Variants in NUTF2 observed in about 807,000 individuals in gnomAD.
NUTF2 encodes the protein placental protein 15.
A neutral mutation model predicts 18.5 loss-of-function variants in NUTF2; 3 were observed. That is an observed-to-expected ratio of 0.16 (90% CI 0.07 to 0.42). The LOEUF is 0.42. NUTF2 is among the 10% of genes least tolerant of loss of function. The pLI, the probability that NUTF2 is intolerant of heterozygous loss-of-function variation, is 0.99. For missense variants in NUTF2, 44 were observed against 160.7 expected (o/e 0.27, Z 3.93); for synonymous variants, 51 against 57.9 (o/e 0.88, Z 0.54).
rs574790009 is a variant in NUTF2 at position 67,858,143 on chromosome 16, A to G, written c.-29-6959A>G. The stretch of plus-strand genomic sequence containing the variant: ...CTAAGAAAACAATACAGGAGGCAAA[A>G]TGGGTAATCAGACAGCTACTTTATT... On this transcript the variant is annotated intron_variant, in intron 1 of 4. Coordinates refer to ENST00000219169, the MANE Select transcript of NUTF2 (RefSeq NM_005796.3). 2.3e-3 allele frequency among the ~76,000 whole-genome samples: 345 copies of G among 152,294 alleles called. 1 individual carries two copies. Among genetic ancestry groups the G allele is most frequent in the Non-Finnish European group, 4.2e-3 (285 of 68,008 alleles).
intron 2 of NUTF2, among the ~76,000 whole-genome samples, chr16:67,866,190 C>T (rs1478341441): frequency 6.6e-6 from 1 of 152,008 alleles, no homozygotes; most frequent in African/African-American, 2.4e-5. Context: ...CCACAGTCTT[C>T]TGTGTCTGTC....
intron 4 of NUTF2, among the ~76,000 whole-genome samples, chr16:67,869,285 A>G (rs952812993): frequency 4.0e-5 from 6 of 151,092 alleles, no homozygotes; most frequent in African/African-American, 1.2e-4. Flanking sequence ...GGGTTTCACT[A>G]TGTTGGCCAG....
intron 1 of NUTF2, among the ~76,000 whole-genome samples, chr16:67,860,583 G>A (rs1402538399): frequency 6.6e-6 from 1 of 152,234 alleles, no homozygotes; most frequent in Non-Finnish European, 1.5e-5. Context: ...GGGCCTGAGG[G>A]GTTTAAGCCA....
intron 1 of NUTF2, among the ~76,000 whole-genome samples, chr16:67,857,168 C>G (rs1456148973): frequency 2.6e-5 from 4 of 152,186 alleles, no homozygotes; most frequent in African/African-American, 9.7e-5. Context: ...AGTTCATGGC[C>G]TGAGGCTCAG....
At position 67,870,779 on chromosome 16, in the gene NUTF2, TC is replaced by T. The variant is rs749403809; in HGVS notation, c.271-19del. 13 of 1,579,956 alleles carry T rather than the reference TC, an allele frequency of 8.2e-6. No homozygotes were observed. The African/African-American group carries it at 1.3e-4, about 16-fold the overall frequency. On this transcript the variant is annotated intron_variant, in intron 4 of 4. Coordinates refer to ENST00000219169, the MANE Select transcript of NUTF2 (RefSeq NM_005796.3). ...CCTGTTTCTTGATCCCCTTACTGAA[TC>T]CTCTTTTCTCTCCTCATAGGCGGAT... is the stretch of plus-strand genomic sequence containing the variant.
In NUTF2 at chr16:67,859,742, C is replaced by T. The variant is rs1044663615; in HGVS notation, c.-29-5360C>T. Among the ~76,000 whole-genome samples, 6 of 151,564 alleles carry T rather than the reference C, an allele frequency of 4.0e-5. No homozygotes were observed. In the South Asian group the frequency reaches 8.3e-4, roughly 21 times the overall value. On this transcript the variant is annotated intron_variant, in intron 1 of 4. Transcript: ENST00000219169. ...AACTCCTGACCTCAGGTGATCCACCCGCCTTGGCCTCCCAAAATGTTGAAA... is the reference window on the plus strand; with the variant it reads ...AACTCCTGACCTCAGGTGATCCACCTGCCTTGGCCTCCCAAAATGTTGAAA...
At chr16:67,853,789 A>G (rs1221939505) in intron 1 of NUTF2, among the ~76,000 whole-genome samples, 1 of 149,454 alleles carries the variant, frequency 6.7e-6, no homozygotes, top group African/African-American at 2.5e-5. Context: ...GGGATTACAG[A>G]TGTGAGCCAC....
At chr16:67,866,651 G>C (rs2057974575) in intron 2 of NUTF2, among the ~76,000 whole-genome samples, 1 of 151,998 alleles carries the variant, frequency 6.6e-6, no homozygotes, top group Non-Finnish European at 1.5e-5. Flanking sequence ...TTTTTTAGTA[G>C]AGATGGGATT....
chr16:67,858,966 A>T (rs1205915394), intron 1 of NUTF2, among the ~76,000 whole-genome samples: 1 of 151,208 alleles, frequency 6.6e-6, no homozygotes, highest in African/African-American at 2.4e-5. Context: ...CCTCCCGAGT[A>T]ACTGGGGCTA....
At chr16:67,852,032 A>G (rs1352566031) in intron 1 of NUTF2, among the ~76,000 whole-genome samples, 1 of 152,080 alleles carries the variant, frequency 6.6e-6, no homozygotes, top group Non-Finnish European at 1.5e-5. Context: ...AAAAAAATTC[A>G]TAACTAGAAG....
chr16:67,853,806 C>T (rs989632508), intron 1 of NUTF2, among the ~76,000 whole-genome samples: 1 of 151,900 alleles, frequency 6.6e-6, no homozygotes, highest in African/African-American at 2.4e-5. Flanking sequence ...CCACTGTGCC[C>T]AGCCAAGTTT....
chr16:67,854,493 G>C (rs1373432830), intron 1 of NUTF2, among the ~76,000 whole-genome samples: 1 of 152,246 alleles, frequency 6.6e-6, no homozygotes, highest in African/African-American at 2.4e-5. Context: ...CTTACAGAGG[G>C]AAACAGGAGA....
chr16:67,856,420 G>C (rs2057897742), intron 1 of NUTF2, among the ~76,000 whole-genome samples: 1 of 151,380 alleles, frequency 6.6e-6, no homozygotes, highest in South Asian at 2.1e-4. Flanking sequence ...TTGAATTCCT[G>C]ACTTCATGAT....
intron 1 of NUTF2, among the ~76,000 whole-genome samples, chr16:67,864,509 CAAA>C (rs572931294): frequency 7.5e-5 from 4 of 53,076 alleles, no homozygotes; most frequent in Non-Finnish European, 9.0e-5. Flanking sequence ...AACTCTGTCT[CAAA>C]AAAAAAAAAA....
rs1039979598 is a variant in NUTF2, at chr16:67,850,901, A to G, written c.-30+3916A>G. On this transcript the variant is annotated intron_variant, in intron 1 of 4. Coordinates refer to ENST00000219169, the MANE Select transcript of NUTF2 (RefSeq NM_005796.3). ...CTGCAACCTCCGCCTCCTGGGTTCA[A>G]GCAATTCTCCTGCCTCAGCCACCCG... Among the ~76,000 whole-genome samples, 39 of 151,792 alleles carry G rather than the reference A, an allele frequency of 2.6e-4. 1 individual carries two copies. Among genetic ancestry groups the G allele is most frequent in the African/African-American group, 7.7e-4 (32 of 41,378 alleles).
chr16:67,854,959 G>T (rs932384076), intron 1 of NUTF2, among the ~76,000 whole-genome samples: 3 of 151,904 alleles, frequency 2.0e-5, no homozygotes, highest in African/African-American at 7.2e-5. Context: ...AAAAAGTTGG[G>T]CAGGATTTCT....
intron 4 of NUTF2, among the ~76,000 whole-genome samples, chr16:67,869,049 C>T (rs138727998): frequency 8.2e-4 from 125 of 151,872 alleles, no homozygotes; most frequent in Middle Eastern, 3.4e-3. Context: ...GGCTCCTTGC[C>T]TGCTGAGCAA....
chr16:67,870,507 G>A lies in NUTF2; in HGVS notation c.271-293G>A, dbSNP rs148030577. ...ACTTGTGTCTGGAGATATGTGCTTGGAGGCAGGTACATCCTCTGCTCTTTT... is the reference window on the plus strand; with the variant it reads ...ACTTGTGTCTGGAGATATGTGCTTGAAGGCAGGTACATCCTCTGCTCTTTT... On this transcript the variant is annotated intron_variant, in intron 4 of 4. Transcript: ENST00000219169. 21 of 369,844 alleles carry A rather than the reference G, an allele frequency of 5.7e-5. No homozygotes were observed. In the East Asian group the frequency reaches 1.3e-3, roughly 23 times the overall value. The allele number at this position is 369,844 out of a possible 1,614,324, so 22.9% of individuals were successfully genotyped here.
chr16:67,868,602 A>G lies in NUTF2; in HGVS notation c.270+3A>G, dbSNP rs1452807686. ...GCATGGTTGTGGGCCAGCTTAAGGT[A>G]ATGGTACTGCCACAGTGGTAGGGAG... is the stretch of plus-strand genomic sequence containing the variant. On this transcript the variant is annotated splice_donor_region_variant and intron_variant, in intron 4 of 4. Coordinates refer to ENST00000219169, the MANE Select transcript of NUTF2 (RefSeq NM_005796.3). 6.2e-7 allele frequency: 1 copy of G among 1,613,204 alleles called. No homozygotes were observed. The highest frequency in any genetic ancestry group is 8.5e-7 in the Non-Finnish European group (1 of 1,179,568).
Sources: gnomAD v4.1 joint callset for allele counts (sites outside exome capture counted in the v4.1 genomes callset) on GRCh38, gnomAD v4.1.1 for gene constraint, MANE v1.5 for transcripts, NCBI Gene and HGNC (gene_info 2026-07-23, HGNC 2026-07-21) for gene names.